ANKMY1: variants seen among roughly 807,000 people sequenced by gnomAD.
The protein encoded by ANKMY1 is ankyrin repeat and MYND domain containing 1.
Under a neutral mutation model 102.0 loss-of-function variants are expected in ANKMY1, and 98 were observed. The ratio of observed to expected loss-of-function variants is 0.96; its 90% CI spans 0.82 to 1.14. The LOEUF is 1.14. Ranked by LOEUF, ANKMY1 falls within the 50% of genes most tolerant of loss-of-function variation. The probability of loss-of-function intolerance (pLI) is 0.00; values close to 1 mark genes in which losing one functional copy is unlikely to be tolerated. For missense variants in ANKMY1, 1,330 were observed against 1,347.6 expected (o/e 0.99, Z 0.20); for synonymous variants, 582 against 559.9 (o/e 1.04, Z -0.56).
At position 240,529,409 on chromosome 2, in the gene ANKMY1, A is replaced by G; in HGVS notation, c.581T>C (p.Leu194Pro). The change falls in exon 5 of 18, where the codon CTG becomes CCG. Residue 194 changes from leucine to proline, a missense_variant. By Grantham distance (98) the Leu-to-Pro change is moderately conservative (BLOSUM62 -3). Coordinates refer to ENST00000401804, the MANE Select transcript of ANKMY1 (RefSeq NM_001282771.3). The surrounding 1 kb of genome is among the most constrained non-coding windows in gnomAD (Gnocchi z 4.2). ...GAAGCCACTGGGGATCTGGGTGCAC[A>G]GCTTGATGAGCTGCTCTCGGAACCA... The part of the protein sequence containing the change: ...GLWFREQLIK[L>P]CTQIPSGFSL... 1.2e-6 allele frequency: 2 copies of G among 1,614,162 alleles called. No homozygotes were observed. The highest frequency in any genetic ancestry group is 1.7e-6 in the Non-Finnish European group (2 of 1,180,034).
rs187511884 is a variant in ANKMY1 at position 240,520,081 on chromosome 2, G to A, written c.2004+281C>T. On this transcript the variant is annotated intron_variant, in intron 9 of 17. Coordinates refer to ENST00000401804, the MANE Select transcript of ANKMY1 (RefSeq NM_001282771.3). This position sits in a 1 kb window ranked among gnomAD's most constrained non-coding sequence, Gnocchi z 4.8. ...TCTCCCCTTTCCAAGGGGCCTTCAG[G>A]ATGCGCTTCCCCTTAGTTTGCTTCA... The A allele has an allele frequency of 3.8e-4, 242 of 633,192 alleles. 2 individuals carry two copies. The African/African-American group carries it at 3.9e-3, about 10-fold the overall frequency. 39.2% of individuals were successfully genotyped at this position (633,192 alleles called of 1,614,324 possible). A position where few individuals can be genotyped will look rare whatever the true frequency, so the allele number is the denominator to read the frequency against.
At position 240,529,933 on chromosome 2, in the gene ANKMY1, GAGA is replaced by G. The variant is rs2084920254; in HGVS notation, c.481-427_481-425del. Among the ~76,000 whole-genome samples the G allele has an allele frequency of 6.6e-6, 1 of 152,056 alleles. No individual in the cohort carries two copies. The highest frequency in any genetic ancestry group is 2.4e-5 in the African/African-American group (1 of 41,400). On this transcript the variant is annotated intron_variant, in intron 4 of 17. Transcript: ENST00000401804. This position sits in a 1 kb window ranked among gnomAD's most constrained non-coding sequence, Gnocchi z 4.2. ...TCAGGTATGACCCAACAAGGGGCAGGAGAAGGAGGAGGAGATAGAGGAAAGGAA... is the reference window on the plus strand; with the variant it reads ...TCAGGTATGACCCAACAAGGGGCAGGAGGAGGAGGAGATAGAGGAAAGGAA...
upstream of ANKMY1, chr2:240,560,636 C>A: frequency 6.9e-7 from 1 of 1,446,504 alleles, no homozygotes; most frequent in South Asian, 1.4e-5. Flanking sequence ...GCGCCTGAGC[C>A]CCCAAAATAG....
chr2:240,520,891 A>C lies in ANKMY1; in HGVS notation c.1833-358T>G, dbSNP rs2082104169. Reference sequence around the variant, plus strand: ...ACACCACACAGTACGCACACGGCACACCACACACCAGAGCACACAAACCAC... The same window carrying C: ...ACACCACACAGTACGCACACGGCACCCCACACACCAGAGCACACAAACCAC... On this transcript the variant is annotated intron_variant, in intron 8 of 17. Coordinates refer to ENST00000401804, the MANE Select transcript of ANKMY1 (RefSeq NM_001282771.3). This position sits in a 1 kb window ranked among gnomAD's most constrained non-coding sequence, Gnocchi z 4.8. 6.6e-6 allele frequency among the ~76,000 whole-genome samples: 1 copy of C among 151,624 alleles called. No individual in the cohort carries two copies. The highest frequency in any genetic ancestry group is 6.6e-5 in the Admixed American group (1 of 15,220).
chr2:240,527,920 A>T (rs932602140), intron 5 of ANKMY1: 1 of 152,216 alleles, frequency 6.6e-6, no homozygotes, highest in Admixed American at 6.5e-5. Flanking sequence ...ATGCATTCTG[A>T]AACAGTTTAG....
rs774767490 is a variant in ANKMY1, at chr2:240,544,667, G to A, written c.480+8247C>T. ...TGGGTGCGCGCACTGTGCGCAAGCC[G>A]AAGCCGGGCGAGGCATTGCCTCACT... On this transcript the variant is annotated intron_variant, in intron 4 of 17. Transcript: ENST00000401804. 8.6e-5 allele frequency among the ~76,000 whole-genome samples: 13 copies of A among 151,968 alleles called. No individual in the cohort carries two copies. In the East Asian group the frequency reaches 2.5e-3, roughly 29 times the overall value.
chr2:240,538,164 G>A (rs931820480), intron 4 of ANKMY1, among the ~76,000 whole-genome samples: 2 of 152,234 alleles, frequency 1.3e-5, no homozygotes, highest in Non-Finnish European at 2.9e-5. Context: ...CTCTGACTCC[G>A]CGTCCGCTCC....
chr2:240,544,380 G>A (rs1412122108), intron 4 of ANKMY1, among the ~76,000 whole-genome samples: 1 of 152,182 alleles, frequency 6.6e-6, no homozygotes, highest in Non-Finnish European at 1.5e-5. Context: ...TGCACATGCA[G>A]AGAAAATAGA....
chr2:240,476,955 G>C (rs2074895653), downstream of ANKMY1, among the ~76,000 whole-genome samples: 1 of 152,190 alleles, frequency 6.6e-6, no homozygotes. Flanking sequence ...TTGCACACAA[G>C]GCATAGGAGA....
chr2:240,482,146 C>T (rs752939513), intron 16 of ANKMY1, 37 bp downstream of exon 16: 2 of 1,603,748 alleles, frequency 1.2e-6, no homozygotes, highest in African/African-American at 1.3e-5. Flanking sequence ...CCACAGGCTG[C>T]CATCCTGGAA....
At chr2:240,507,887 C>A (rs370163689) in intron 12 of ANKMY1, 196 bp from the exon 13 acceptor site, 1 of 550,418 alleles carries the variant, frequency 1.8e-6, no homozygotes. Flanking sequence ...TGATGCTGGG[C>A]GGGGAGGGGT....
At position 240,479,540 on chromosome 2, in the gene ANKMY1, T is replaced by C; in HGVS notation, c.*69A>G. 6.5e-7 allele frequency: 1 copy of C among 1,532,770 alleles called. No homozygotes were observed. 94.9% of individuals were successfully genotyped at this position (1,532,770 alleles called of 1,614,324 possible). A position where few individuals can be genotyped will look rare whatever the true frequency, so the allele number is the denominator to read the frequency against. On this transcript the variant is annotated 3_prime_UTR_variant, in exon 18 of 18. Coordinates refer to ENST00000401804, the MANE Select transcript of ANKMY1 (RefSeq NM_001282771.3). ...CATTAGGCTGGAAGATTCCCTGAGG[T>C]GGCTCAGGCAGGTAAGAAACCCACA...
intron 13 of ANKMY1, among the ~76,000 whole-genome samples, chr2:240,502,621 A>G (rs1196967349): frequency 6.6e-6 from 1 of 151,094 alleles, no homozygotes; most frequent in Non-Finnish European, 1.5e-5. Flanking sequence ...GTCGCTCACC[A>G]GGAGTGTCTT....
At chr2:240,526,070 A>G in intron 6 of ANKMY1, 159 bp downstream of exon 6, 2 of 1,011,212 alleles carry the variant, frequency 2.0e-6, no homozygotes, top group Non-Finnish European at 2.9e-6. Flanking sequence ...CACTCAGCTG[A>G]GTGGGTTTCT....
the ANKMY1 span, among the ~76,000 whole-genome samples, chr2:240,469,369 C>T: frequency 2.6e-5 from 4 of 152,234 alleles, no homozygotes; most frequent in African/African-American, 4.8e-5. Context: ...GTTCTGCCCA[C>T]CCTAGTGCTG....
At chr2:240,498,583 G>T (rs2077607973) in intron 15 of ANKMY1, among the ~76,000 whole-genome samples, 1 of 151,854 alleles carries the variant, frequency 6.6e-6, no homozygotes, top group African/African-American at 2.4e-5. Context: ...TGTGTCCTGA[G>T]GAGTATGCAA....
chr2:240,555,666 C>G (rs1348022583), intron 2 of ANKMY1: 2 of 153,650 alleles, frequency 1.3e-5, no homozygotes, highest in African/African-American at 4.8e-5. Flanking sequence ...GCATGTCAGA[C>G]CCCCCACAGA....
At chr2:240,511,669 C>T (rs767290505) in intron 11 of ANKMY1, among the ~76,000 whole-genome samples, 192 bp downstream of exon 11, 21 of 152,370 alleles carry the variant, frequency 1.4e-4, no homozygotes, top group Non-Finnish European at 2.5e-4. Context: ...CGTGCGCAGG[C>T]GTGCGTGTGT....
intron 15 of ANKMY1, among the ~76,000 whole-genome samples, chr2:240,491,357 T>C (rs1230266548): frequency 2.0e-5 from 3 of 152,226 alleles, no homozygotes; most frequent in African/African-American, 7.2e-5. Context: ...TTATTCTTGA[T>C]ATGTAAGGCT....
Sources: gnomAD v4.1 joint callset for allele counts (sites outside exome capture counted in the v4.1 genomes callset) on GRCh38, gnomAD v4.1.1 for gene constraint, Gnocchi (gnomAD v3.1) non-coding constraint, MANE v1.5 for transcripts, NCBI Gene and HGNC (gene_info 2026-07-23, HGNC 2026-07-21) for gene names.